The following SNX29 variants were observed in gnomAD, a reference collection of about 807,000 sequenced individuals.
The protein encoded by SNX29 is sorting nexin 29.
In SNX29, 78 loss-of-function variants were observed where a neutral mutation model predicts 102.1. That is an observed-to-expected ratio of 0.76 (90% CI 0.64 to 0.92). The LOEUF (loss-of-function observed/expected upper bound fraction) is 0.92. Ranked by LOEUF, SNX29 falls within the 40% of genes least tolerant of loss-of-function variation. SNX29 has a pLI of 0.00. For synonymous variants in SNX29, 580 were observed against 414.5 expected (o/e 1.40, Z -4.85); for missense variants, 1,280 against 1,061.7 (o/e 1.21, Z -2.86).
chr16:12,462,525 A>G (rs2086852149), intron 18 of SNX29, among the ~76,000 whole-genome samples: 1 of 152,190 alleles, frequency 6.6e-6, no homozygotes, highest in African/African-American at 2.4e-5. Flanking sequence ...ATCTATCACC[A>G]TTCAGAAATA....
chr16:12,242,660 CT>C (rs1182673798), intron 14 of SNX29, among the ~76,000 whole-genome samples: 46 of 143,284 alleles, frequency 3.2e-4, no homozygotes, highest in Non-Finnish European at 4.3e-4. Flanking sequence ...CTTCTCTTCT[CT>C]TTTTTTTTTT....
chr16:12,285,366 G>A (rs2079561533), intron 15 of SNX29, among the ~76,000 whole-genome samples: 1 of 152,070 alleles, frequency 6.6e-6, no homozygotes, highest in Non-Finnish European at 1.5e-5. Context: ...CATATGGCAG[G>A]GCTCAGCTAG....
intron 14 of SNX29, among the ~76,000 whole-genome samples, chr16:12,227,021 C>G (rs1356247571): frequency 6.6e-6 from 1 of 152,220 alleles, no homozygotes; most frequent in Non-Finnish European, 1.5e-5. Flanking sequence ...TTGGCCAATG[C>G]TCAGATAAGT....
intron 15 of SNX29, among the ~76,000 whole-genome samples, chr16:12,311,805 C>T (rs756716315): frequency 2.0e-5 from 3 of 152,240 alleles, no homozygotes; most frequent in Non-Finnish European, 4.4e-5. Flanking sequence ...AGGATGGCAG[C>T]CTAAAACTGG....
At chr16:12,555,369 G>C (rs1597995056) in intron 20 of SNX29, among the ~76,000 whole-genome samples, 2 of 152,100 alleles carry the variant, frequency 1.3e-5, no homozygotes, top group East Asian at 2.0e-4. Flanking sequence ...TCTCCCATGA[G>C]GCGCTCCCTG....
chr16:12,252,733 C>G (rs1458848499), intron 14 of SNX29, among the ~76,000 whole-genome samples: 2 of 152,204 alleles, frequency 1.3e-5, no homozygotes, highest in Non-Finnish European at 2.9e-5. Context: ...TTCCGCTTCC[C>G]TGGCTCACAC....
chr16:12,247,765 C>T (rs1174993524), intron 14 of SNX29, among the ~76,000 whole-genome samples: 3 of 152,154 alleles, frequency 2.0e-5, no homozygotes, highest in Non-Finnish European at 4.4e-5. Context: ...AGGTTGGGTT[C>T]CTTACATGGC....
At chr16:12,279,631 C>A (rs2151019385) in intron 15 of SNX29, among the ~76,000 whole-genome samples, 1 of 152,316 alleles carries the variant, frequency 6.6e-6, no homozygotes, top group African/African-American at 2.4e-5. Context: ...GAAGCAGGGC[C>A]CCAATCTCAG....
intron 14 of SNX29, among the ~76,000 whole-genome samples, chr16:12,256,899 C>A (rs924844896): frequency 2.0e-5 from 3 of 152,208 alleles, no homozygotes; most frequent in Non-Finnish European, 4.4e-5. Context: ...ATCTGCTTTT[C>A]CCACCAAAAC....
chr16:12,405,738 TAAA>T (rs2151521710), intron 18 of SNX29, among the ~76,000 whole-genome samples: 1 of 152,284 alleles, frequency 6.6e-6, no homozygotes, highest in East Asian at 1.9e-4. Flanking sequence ...ATTTTAGAAT[TAAA>T]AAAGTATGCT....
At chr16:12,562,154 T>G (rs947133777) in intron 20 of SNX29, among the ~76,000 whole-genome samples, 4 of 152,174 alleles carry the variant, frequency 2.6e-5, no homozygotes, top group Admixed American at 1.3e-4. Flanking sequence ...ATACCAGGTC[T>G]GTGGAGTAAG....
intron 1 of SNX29, among the ~76,000 whole-genome samples, chr16:11,980,726 G>C (rs2055396250): frequency 6.6e-6 from 1 of 152,100 alleles, no homozygotes; most frequent in Non-Finnish European, 1.5e-5. Flanking sequence ...TCGTAGTTTT[G>C]ATTTGCATTT....
chr16:12,346,860 A>C (rs2151279024), intron 15 of SNX29, among the ~76,000 whole-genome samples: 1 of 152,236 alleles, frequency 6.6e-6, no homozygotes, highest in South Asian at 2.1e-4. Context: ...CTGCTCTATG[A>C]AGCCTCCCTC....
At chr16:12,154,572 C>G (rs2055452855) in intron 13 of SNX29, among the ~76,000 whole-genome samples, 1 of 152,250 alleles carries the variant, frequency 6.6e-6, no homozygotes, top group African/African-American at 2.4e-5. Flanking sequence ...TCTTCATCCT[C>G]AGGCCTGAAC....
chr16:12,194,297 G>A (rs1851566315), intron 13 of SNX29, among the ~76,000 whole-genome samples: 1 of 152,168 alleles, frequency 6.6e-6, no homozygotes, highest in East Asian at 1.9e-4. Flanking sequence ...TTCATTGTTA[G>A]TGTATAGAAA....
chr16:12,313,083 G>A (rs2080615193), intron 15 of SNX29, among the ~76,000 whole-genome samples: 1 of 151,694 alleles, frequency 6.6e-6, no homozygotes. Context: ...GGGCGATCTC[G>A]GCTTACTACA....
At chr16:12,441,629 A>T (rs1469885883) in intron 18 of SNX29, among the ~76,000 whole-genome samples, 2 of 152,174 alleles carry the variant, frequency 1.3e-5, no homozygotes, top group Non-Finnish European at 1.5e-5. Flanking sequence ...TAATGTCGGT[A>T]AAGTCCAATT....
At chr16:12,160,332 A>T (rs558001694) in intron 13 of SNX29, among the ~76,000 whole-genome samples, 2 of 152,344 alleles carry the variant, frequency 1.3e-5, no homozygotes, top group South Asian at 4.1e-4. Context: ...TAGATTCAGG[A>T]TCTTTCAGCC....
At chr16:12,549,523 T>A (rs987007405) in intron 20 of SNX29, among the ~76,000 whole-genome samples, 4 of 151,088 alleles carry the variant, frequency 2.6e-5, no homozygotes, top group Admixed American at 2.6e-4. Flanking sequence ...TTTTTCATCC[T>A]CTATCTCAAA....
Sources: allele counts gnomAD v4.1 joint callset (sites outside exome capture counted in the v4.1 genomes callset), GRCh38; gene constraint gnomAD v4.1.1; transcripts MANE v1.5; gene names NCBI Gene and HGNC (gene_info 2026-07-23, HGNC 2026-07-21).